The following ZWILCH variants were observed in gnomAD, a reference collection of about 807,000 sequenced individuals.
The protein encoded by ZWILCH is protein zwilch homolog.
A neutral mutation model predicts 79.9 loss-of-function variants in ZWILCH; 74 were observed. The ratio of observed to expected loss-of-function variants is 0.93; its 90% CI spans 0.77 to 1.12. The LOEUF (loss-of-function observed/expected upper bound fraction) is 1.12, where lower values mean the gene tolerates loss of function less well. Among genes scored for constraint, ZWILCH ranks in the 50% most tolerant of loss-of-function variants. The pLI is 0.00. For synonymous variants in ZWILCH, 241 were observed against 228.2 expected (o/e 1.06, Z -0.51); for missense variants, 694 against 687.5 (o/e 1.01, Z -0.11).
chr15:66,521,199 A>C lies in ZWILCH; in HGVS notation c.741A>C (p.Ala247=). 6.2e-7 allele frequency: 1 copy of C among 1,610,790 alleles called. No homozygotes were observed. The highest frequency in any genetic ancestry group is 8.5e-7 in the Non-Finnish European group (1 of 1,179,930). Residue 247 remains alanine, a synonymous_variant, in exon 7 of 19, where the codon GCA becomes GCC. Coordinates refer to ENST00000307897, the MANE Select transcript of ZWILCH (RefSeq NM_017975.5). Reference sequence around the variant, plus strand: ...AAATCCCTCCACTCTCTTCAACTGCAACTCTGGTAAGAGTGGGCCCTATTT... The same window carrying C: ...AAATCCCTCCACTCTCTTCAACTGCCACTCTGGTAAGAGTGGGCCCTATTT... ...ILQIPPLSST[A]TLNIKVESGE...
chr15:66,516,936 G>A (rs1328449127), intron 4 of ZWILCH, among the ~76,000 whole-genome samples: 1 of 152,148 alleles, frequency 6.6e-6, no homozygotes, highest in Non-Finnish European at 1.5e-5. Context: ...GTTTGTGTGG[G>A]TTGATTCATG....
At chr15:66,536,716 T>C (rs1895027653) in intron 15 of ZWILCH, among the ~76,000 whole-genome samples, 1 of 152,186 alleles carries the variant, frequency 6.6e-6, no homozygotes, top group African/African-American at 2.4e-5. Flanking sequence ...TTGTTATTGT[T>C]TATAGAATCT....
rs578110784 is a variant in ZWILCH, at chr15:66,522,209, A to G, written c.747+1004A>G. The stretch of plus-strand genomic sequence containing the variant: ...TGAGACTCTGTCTCAAAAAAAAAGA[A>G]GTCAAAATTGCTAACAAAAATTCAT... On this transcript the variant is annotated intron_variant, in intron 7 of 18. Coordinates refer to ENST00000307897, the MANE Select transcript of ZWILCH (RefSeq NM_017975.5). Among the ~76,000 whole-genome samples the G allele has an allele frequency of 9.9e-5, 15 of 152,236 alleles. No individual in the cohort carries two copies. In the East Asian group the frequency reaches 1.9e-3, roughly 20 times the overall value.
chr15:66,538,800 T>A (rs1895101885), intron 16 of ZWILCH, among the ~76,000 whole-genome samples: 1 of 152,194 alleles, frequency 6.6e-6, no homozygotes, highest in Admixed American at 6.5e-5. Flanking sequence ...CTCTGGCCCA[T>A]CTGAAAGGCT....
chr15:66,514,240 T>G (rs888878329), intron 3 of ZWILCH, 157 bp downstream of exon 3: 1 of 429,534 alleles, frequency 2.3e-6, no homozygotes, highest in Non-Finnish European at 4.2e-6. Flanking sequence ...CAAATAAATA[T>G]GAACCACATA....
chr15:66,544,009 C>A (rs1360048549), intron 17 of ZWILCH, among the ~76,000 whole-genome samples: 1 of 152,026 alleles, frequency 6.6e-6, no homozygotes, highest in Admixed American at 6.5e-5. Context: ...CCTGTAATCC[C>A]AGCACTTTGG....
At chr15:66,525,899 T>C (rs1441220825) in intron 8 of ZWILCH, among the ~76,000 whole-genome samples, 1 of 151,740 alleles carries the variant, frequency 6.6e-6, no homozygotes. Context: ...GTAGCTGGGA[T>C]TACAGGTGCC....
At chr15:66,517,453 T>TAG (rs1191012713) in intron 4 of ZWILCH, among the ~76,000 whole-genome samples, 10 of 137,402 alleles carry the variant, frequency 7.3e-5, no homozygotes, top group Non-Finnish European at 1.4e-4. Flanking sequence ...TATATATATA[T>TAG]ATAGTAATGT....
intron 12 of ZWILCH, 42 bp downstream of exon 12, chr15:66,529,615 T>C (rs1013688130): frequency 1.6e-5 from 24 of 1,460,458 alleles, no homozygotes; most frequent in Non-Finnish European, 2.2e-5. Context: ...CTCAGCAGCA[T>C]AGCATGATGT....
At chr15:66,532,464 T>C in intron 13 of ZWILCH, 61 bp downstream of exon 13, 1 of 1,435,040 alleles carries the variant, frequency 7.0e-7, no homozygotes, top group Non-Finnish European at 9.4e-7. Flanking sequence ...GTCACAGATA[T>C]TCTCGGATTT....
rs1443495622 is a variant in ZWILCH, at chr15:66,505,371, C to G, written c.33C>G (p.Asp11Glu). 2.5e-6 allele frequency: 4 copies of G among 1,614,154 alleles called. No homozygotes were observed. Among genetic ancestry groups the G allele is most frequent in the Non-Finnish European group, 3.4e-6 (4 of 1,180,016 alleles). The change falls in exon 1 of 19, where the codon GAC becomes GAG. Residue 11 changes from aspartate to glutamate, a missense_variant. Physicochemically the swap from Asp to Glu is conservative, Grantham distance 45 (BLOSUM62 2). Transcript: ENST00000307897. Reference sequence around the variant, plus strand: ...AGCGGCTGAACTGCGCAGCAGAGGACTTTTATTCTCGTCTCCTTCAGTGAG... The same window carrying G: ...AGCGGCTGAACTGCGCAGCAGAGGAGTTTTATTCTCGTCTCCTTCAGTGAG... MWERLNCAAE[D>E]FYSRLLQKFN...
In ZWILCH at chr15:66,508,878, C is replaced by T; in HGVS notation, c.91C>T (p.Pro31Ser). 1 of 1,613,950 alleles carries T rather than the reference C, an allele frequency of 6.2e-7. No individual in the cohort carries two copies. Among genetic ancestry groups the T allele is most frequent in the Non-Finnish European group, 8.5e-7 (1 of 1,179,914 alleles). ...NEEKKGIRKDPFLYEADVQVQ... is the reference protein window; with the variant it reads ...NEEKKGIRKDSFLYEADVQVQ... ...AGAAAAGAAAGGAATCCGTAAAGACCCATTTCTCTATGAGGTATGAACAAT... is the reference window on the plus strand; with the variant it reads ...AGAAAAGAAAGGAATCCGTAAAGACTCATTTCTCTATGAGGTATGAACAAT... The change falls in exon 2 of 19, where the codon CCA becomes TCA. Residue 31 changes from proline (P) to serine (S), a missense_variant. By Grantham distance (74) the Pro-to-Ser change is moderately conservative. Coordinates refer to ENST00000307897, the MANE Select transcript of ZWILCH (RefSeq NM_017975.5).
chr15:66,537,695 A>T (rs976836530), intron 16 of ZWILCH, among the ~76,000 whole-genome samples: 1 of 152,132 alleles, frequency 6.6e-6, no homozygotes, highest in African/African-American at 2.4e-5. Context: ...CCGTCTCAAA[A>T]AATAATAATA....
At position 66,548,757 on chromosome 15, in the gene ZWILCH, G is replaced by A. The variant is rs2140826253; in HGVS notation, c.*433G>A. The A allele has an allele frequency of 2.2e-6, 1 of 460,598 alleles. No homozygotes were observed. The highest frequency in any genetic ancestry group is 4.5e-5 in the South Asian group (1 of 22,128). 28.5% of individuals were successfully genotyped at this position (460,598 alleles called of 1,614,324 possible). A position where few individuals can be genotyped will look rare whatever the true frequency, so the allele number is the denominator to read the frequency against. On this transcript the variant is annotated 3_prime_UTR_variant, in exon 19 of 19. Transcript: ENST00000307897. ...CTTATTTGCCATGAAATAGAACTTA[G>A]TAAATTAAATGTTATTTGAAAATGT...
chr15:66,510,634 C>T (rs1298276323), intron 2 of ZWILCH, among the ~76,000 whole-genome samples: 1 of 152,134 alleles, frequency 6.6e-6, no homozygotes, highest in Non-Finnish European at 1.5e-5. Flanking sequence ...GCAAATTAGG[C>T]AGCTTCAAAC....
chr15:66,538,441 G>A (rs746570733), intron 16 of ZWILCH, among the ~76,000 whole-genome samples: 1 of 151,594 alleles, frequency 6.6e-6, no homozygotes. Flanking sequence ...GGAGTGCAGT[G>A]GCGCAATCTC....
chr15:66,550,008 A>G lies in ZWILCH; in HGVS notation c.*1684A>G. 6.9e-7 allele frequency: 1 copy of G among 1,457,932 alleles called. No homozygotes were observed. Among genetic ancestry groups the G allele is most frequent in the Non-Finnish European group, 9.3e-7 (1 of 1,073,624 alleles). 90.3% of individuals were successfully genotyped at this position (1,457,932 alleles called of 1,614,324 possible). The stretch of plus-strand genomic sequence containing the variant: ...ATATGTATAATTATTTAGTTTAATT[A>G]TTAAAGGAAAACATTGAAATATACT... On this transcript the variant is annotated 3_prime_UTR_variant, in exon 19 of 19. Transcript: ENST00000307897.
rs1446934555 is a variant in ZWILCH at position 66,518,924 on chromosome 15, C to T, written c.366C>T (p.Thr122=). 1 of 1,614,128 alleles carries T rather than the reference C, an allele frequency of 6.2e-7. No homozygotes were observed. Among genetic ancestry groups the T allele is most frequent in the Non-Finnish European group, 8.5e-7 (1 of 1,180,022 alleles). ...CCATGGCTCACAATCCTAATATGAC[C>T]CATTTGAAGATTAATCTGCCAGTTA... ...LYTMAHNPNM[T]HLKINLPVTA... is the part of the protein sequence containing the mutation. Residue 122 remains threonine, a synonymous_variant, in exon 5 of 19, where the codon ACC becomes ACT. Transcript: ENST00000307897.
chr15:66,532,347 T>A lies in ZWILCH; in HGVS notation c.1256T>A (p.Met419Lys), dbSNP rs765057462. 3.7e-6 allele frequency: 6 copies of A among 1,612,488 alleles called. No individual in the cohort carries two copies. The highest frequency in any genetic ancestry group is 5.1e-6 in the Non-Finnish European group (6 of 1,179,326). Residue 419 changes from methionine (M) to lysine (K), a missense_variant, in exon 13 of 19, where the codon ATG becomes AAG. Physicochemically the swap from Met to Lys is moderately conservative, Grantham distance 95 (BLOSUM62 -1). Coordinates refer to ENST00000307897, the MANE Select transcript of ZWILCH (RefSeq NM_017975.5). ...CTCAGTGGGACTATTCCAGTTCAAA[T>A]GCTTTTGGAAATTGGTTTGGACAAA... is the stretch of plus-strand genomic sequence containing the variant. ...VSLSGTIPVQ[M>K]LLEIGLDKLK...
Sources: allele counts gnomAD v4.1 joint callset (sites outside exome capture counted in the v4.1 genomes callset), GRCh38; gene constraint gnomAD v4.1.1; transcripts MANE v1.5; gene names NCBI Gene and HGNC (gene_info 2026-07-23, HGNC 2026-07-21).